PCGF3: variants seen among roughly 807,000 people sequenced by gnomAD.
The protein encoded by PCGF3 is polycomb group RING finger protein 3.
In PCGF3, 7 loss-of-function variants were observed where a neutral mutation model predicts 33.1. The ratio of observed to expected loss-of-function variants is 0.21; its 90% CI spans 0.12 to 0.40. The LOEUF (loss-of-function observed/expected upper bound fraction) is 0.40, where lower values mean the gene tolerates loss of function less well. Ranked by LOEUF, PCGF3 falls within the 10% of genes least tolerant of loss-of-function variation. PCGF3 has a pLI of 1.00. For missense variants in PCGF3, 211 were observed against 313.3 expected (o/e 0.67, Z 2.46); for synonymous variants, 153 against 121.3 (o/e 1.26, Z -1.72).
At chr4:730,393 G>A (rs1320762523) in intron 1 of PCGF3, among the ~76,000 whole-genome samples, 4 of 151,964 alleles carry the variant, frequency 2.6e-5, no homozygotes, top group African/African-American at 4.8e-5. Flanking sequence ...CGTGGGCCAC[G>A]TGCCCACTCC....
intron 8 of PCGF3, among the ~76,000 whole-genome samples, chr4:752,455 C>T (rs1350286925): frequency 6.6e-6 from 1 of 152,238 alleles, no homozygotes; most frequent in African/African-American, 2.4e-5. Context: ...CGGCGGGTTT[C>T]ATGGATGCAC....
At chr4:766,636 C>T (rs1237388797) in exon 11 of PCGF3, 2 of 152,200 alleles carry the variant, frequency 1.3e-5, no homozygotes, top group Non-Finnish European at 2.9e-5. Context: ...TATGATTTAA[C>T]CATTGTATTT....
At chr4:747,633 CGTGG>C (rs1418163935) in intron 8 of PCGF3, among the ~76,000 whole-genome samples, 4 of 89,376 alleles carry the variant, frequency 4.5e-5, no homozygotes, top group Non-Finnish European at 7.4e-5. Context: ...TAGTGCTCGC[CGTGG>C]AGGCGTGAGC....
chr4:716,897 A>G (rs1227608947), intron 1 of PCGF3, among the ~76,000 whole-genome samples: 1 of 145,804 alleles, frequency 6.9e-6, no homozygotes, highest in African/African-American at 2.6e-5. Context: ...GCCCCTGTGG[A>G]CACTGCGAGT....
intron 8 of PCGF3, among the ~76,000 whole-genome samples, chr4:754,682 C>T (rs1054428902): frequency 7.2e-5 from 11 of 152,150 alleles, no homozygotes; most frequent in African/African-American, 2.4e-4. Context: ...GCTGTTCACC[C>T]AGAGGAGGGA....
intron 8 of PCGF3, among the ~76,000 whole-genome samples, chr4:752,640 G>A (rs1293037225): frequency 1.3e-5 from 2 of 152,158 alleles, no homozygotes; most frequent in African/African-American, 4.8e-5. Context: ...GCTGGGACTC[G>A]GGGGTGGGGG....
exon 3 of PCGF3, chr4:731,017 C>G (rs938895538): frequency 5.0e-6 from 2 of 398,576 alleles, no homozygotes; most frequent in Non-Finnish European, 8.9e-6. Context: ...GAAGCGAGTC[C>G]GCGTGCGGAG....
intron 9 of PCGF3, among the ~76,000 whole-genome samples, chr4:763,428 A>T (rs1745180504): frequency 6.6e-6 from 1 of 152,162 alleles, no homozygotes; most frequent in Non-Finnish European, 1.5e-5. Flanking sequence ...CCCCCAACCC[A>T]GCCACTCAGG....
intron 8 of PCGF3, among the ~76,000 whole-genome samples, chr4:748,088 C>T (rs1441918138): frequency 1.3e-5 from 2 of 152,084 alleles, no homozygotes; most frequent in African/African-American, 2.4e-5. Flanking sequence ...GAGTGAACGT[C>T]GAGGGCCTCT....
chr4:744,344 C>T (rs528596062), intron 7 of PCGF3, among the ~76,000 whole-genome samples: 2 of 152,364 alleles, frequency 1.3e-5, no homozygotes, highest in Non-Finnish European at 2.9e-5. Context: ...GTGTCCCACG[C>T]CGGCTCCGGC....
chr4:709,814 C>T (rs980204742), intron 1 of PCGF3, among the ~76,000 whole-genome samples: 6 of 152,240 alleles, frequency 3.9e-5, no homozygotes, highest in African/African-American at 1.4e-4. Context: ...TCAGTGTCAG[C>T]CACGTCGTGT....
chr4:717,751 G>T (rs1742917696), intron 1 of PCGF3, among the ~76,000 whole-genome samples: 1 of 152,256 alleles, frequency 6.6e-6, no homozygotes, highest in South Asian at 2.1e-4. Flanking sequence ...TTGATAAGGT[G>T]CAGGAGGGCG....
rs1742320446 is a variant in PCGF3, at chr4:706,671, C to A, written c.-190+701C>A. On this transcript the variant is annotated intron_variant, in intron 1 of 10. Coordinates refer to ENST00000362003, the Ensembl canonical transcript of PCGF3. The stretch of plus-strand genomic sequence containing the variant: ...CCCAGGGAGGGCGAAGACCCCAGCC[C>A]AGGCAGGACCGCGGGAGGGCAGGGA... Among the ~76,000 whole-genome samples the A allele has an allele frequency of 2.9e-5, 4 of 135,780 alleles. No individual in the cohort carries two copies. The South Asian group carries it at 1.0e-3, about 35-fold the overall frequency. The allele number at this position is 135,780 out of a possible 152,430, so 89.1% of individuals were successfully genotyped here. A position where few individuals can be genotyped will look rare whatever the true frequency, so the allele number is the denominator to read the frequency against.
At chr4:764,940 G>C (rs1745280651) in intron 9 of PCGF3, 44 bp from the exon 10 acceptor site, 2 of 1,403,722 alleles carry the variant, frequency 1.4e-6, no homozygotes, top group Non-Finnish European at 2.0e-6. Context: ...GTCAGTGTGG[G>C]TTGAGCACCT....
intron 1 of PCGF3, among the ~76,000 whole-genome samples, chr4:727,104 C>T (rs922767999): frequency 3.9e-5 from 6 of 152,190 alleles, no homozygotes; most frequent in Non-Finnish European, 5.9e-5. Flanking sequence ...GGAGGGGTTA[C>T]GCTGTGTTTA....
At chr4:753,128 C>T (rs1577434175) in intron 8 of PCGF3, among the ~76,000 whole-genome samples, 1 of 152,240 alleles carries the variant, frequency 6.6e-6, no homozygotes, top group Non-Finnish European at 1.5e-5. Context: ...GGCACCTTCT[C>T]TCCCAGAGCT....
chr4:711,819 G>A (rs11940788), intron 1 of PCGF3, among the ~76,000 whole-genome samples: 38,798 of 151,666 alleles, frequency 0.26, 5,315 homozygotes, highest in South Asian at 0.36. Flanking sequence ...AAATTAGCCA[G>A]GCATGGTGGT....
At chr4:733,129 A>C (rs190209375) in intron 3 of PCGF3, among the ~76,000 whole-genome samples, 1 of 147,054 alleles carries the variant, frequency 6.8e-6, no homozygotes, top group East Asian at 2.0e-4. Context: ...TCTGGGAGAC[A>C]CAGCCTCAGG....
At chr4:767,792 AAATCATTTTCT>A (rs1318117751) in exon 11 of PCGF3, 2 of 152,644 alleles carry the variant, frequency 1.3e-5, no homozygotes, top group African/African-American at 4.8e-5. Flanking sequence ...CTATTCATCC[AAATCATTTTCT>A]AGAGTCACTG....
Sources: gnomAD v4.1 joint callset for allele counts (sites outside exome capture counted in the v4.1 genomes callset) on GRCh38, gnomAD v4.1.1 for gene constraint, MANE v1.5 for transcripts, NCBI Gene and HGNC (gene_info 2026-07-23, HGNC 2026-07-21) for gene names.